CPED1: variants seen among roughly 807,000 people sequenced by gnomAD.
The protein encoded by CPED1 is cadherin-like and PC-esterase domain-containing protein 1.
A neutral mutation model predicts 128.2 loss-of-function variants in CPED1; 114 were observed. That is an observed-to-expected ratio of 0.89 (90% CI 0.76 to 1.04). CPED1 has a LOEUF of 1.04. Ranked by LOEUF, CPED1 falls within the 50% of genes least tolerant of loss-of-function variation. CPED1 has a pLI of 0.00. For synonymous variants in CPED1, 462 were observed against 426.7 expected (o/e 1.08, Z -1.02); for missense variants, 1,211 against 1,207.1 (o/e 1.00, Z -0.05).
intron 7 of CPED1, 127 bp downstream of exon 7, chr7:121,100,221 TG>T: frequency 1.2e-6 from 1 of 819,966 alleles, no homozygotes; most frequent in Non-Finnish European, 1.9e-6. Context: ...TCTTTTTTAT[TG>T]CCGCAAGAAA....
At chr7:121,241,541 C>T (rs968333478) in intron 17 of CPED1, among the ~76,000 whole-genome samples, 2 of 152,034 alleles carry the variant, frequency 1.3e-5, no homozygotes, top group African/African-American at 4.8e-5. Flanking sequence ...AAACATCTTT[C>T]ACATAGCAGA....
intron 16 of CPED1, among the ~76,000 whole-genome samples, chr7:121,179,324 A>G (rs1796851416): frequency 6.6e-6 from 1 of 152,108 alleles, no homozygotes; most frequent in South Asian, 2.1e-4. Context: ...GCACTGAATG[A>G]AATACAGAGT....
chr7:120,994,740 T>A (rs1796367018), intron 2 of CPED1, among the ~76,000 whole-genome samples: 1 of 151,910 alleles, frequency 6.6e-6, no homozygotes, highest in South Asian at 2.1e-4. Flanking sequence ...GTTGGAAATG[T>A]GCACATGATA....
chr7:121,022,657 G>T (rs1185301666), intron 3 of CPED1, among the ~76,000 whole-genome samples: 1 of 151,914 alleles, frequency 6.6e-6, no homozygotes, highest in African/African-American at 2.4e-5. Context: ...TTTACTGAAG[G>T]TTCAATAGCC....
chr7:121,170,445 A>AG (rs1359681632), intron 16 of CPED1, among the ~76,000 whole-genome samples: 1 of 152,104 alleles, frequency 6.6e-6, no homozygotes, highest in Non-Finnish European at 1.5e-5. Context: ...GATTCACTAC[A>AG]AATTTTACTT....
chr7:121,065,213 T>C (rs1793798308), intron 5 of CPED1, among the ~76,000 whole-genome samples: 1 of 152,170 alleles, frequency 6.6e-6, no homozygotes, highest in Non-Finnish European at 1.5e-5. Flanking sequence ...TGATATTTAC[T>C]GAGAATTAAA....
intron 10 of CPED1, among the ~76,000 whole-genome samples, chr7:121,127,478 TAAGTA>T (rs1238522918): frequency 6.6e-6 from 1 of 151,936 alleles, no homozygotes; most frequent in African/African-American, 2.4e-5. Flanking sequence ...GGTTGAAAAT[TAAGTA>T]TAGTGTTCAT....
At chr7:121,087,025 C>T (rs568522417) in intron 5 of CPED1, among the ~76,000 whole-genome samples, 1 of 152,290 alleles carries the variant, frequency 6.6e-6, no homozygotes, top group South Asian at 2.1e-4. Context: ...GTAGAAATGA[C>T]CCCTTAGAGA....
At chr7:121,252,158 C>T (rs569782681) in intron 18 of CPED1, among the ~76,000 whole-genome samples, 13,354 of 147,918 alleles carry the variant, frequency 0.09, 753 homozygotes, top group African/African-American at 0.16. Context: ...GAAATAACGC[C>T]GCATATCTAC....
intron 17 of CPED1, 128 bp from the exon 18 acceptor site, chr7:121,244,074 C>A: frequency 9.2e-7 from 1 of 1,087,788 alleles, no homozygotes; most frequent in Non-Finnish European, 1.4e-6. Context: ...CATTATTCCA[C>A]TAGATTTAAA....
At chr7:121,138,711 T>C (rs1699333922) in intron 14 of CPED1, among the ~76,000 whole-genome samples, 2 of 152,056 alleles carry the variant, frequency 1.3e-5, no homozygotes, top group South Asian at 4.1e-4. Flanking sequence ...GCACATCTTC[T>C]ATGTTTTATT....
At chr7:121,252,713 A>G (rs1798708372) in intron 18 of CPED1, among the ~76,000 whole-genome samples, 2 of 152,330 alleles carry the variant, frequency 1.3e-5, no homozygotes. Context: ...ACACGAAAAA[A>G]TGCTCATCAT....
intron 9 of CPED1, 63 bp downstream of exon 9, chr7:121,125,955 T>G (rs1795493727): frequency 1.8e-6 from 2 of 1,102,576 alleles, no homozygotes; most frequent in African/African-American, 1.6e-5. Context: ...TGTGTGTGTG[T>G]TGTTGTTGTT....
chr7:121,178,748 C>A (rs1796837837), intron 16 of CPED1, among the ~76,000 whole-genome samples: 1 of 152,072 alleles, frequency 6.6e-6, no homozygotes, highest in Non-Finnish European at 1.5e-5. Context: ...GCAAGAAGAG[C>A]TGACCTTGTA....
intron 16 of CPED1, among the ~76,000 whole-genome samples, chr7:121,189,610 G>A (rs1453755529): frequency 6.6e-6 from 1 of 151,370 alleles, no homozygotes; most frequent in Non-Finnish European, 1.5e-5. Context: ...GTAACAGAAG[G>A]TTTGTTAAAA....
intron 18 of CPED1, among the ~76,000 whole-genome samples, chr7:121,246,054 C>T (rs1798523567): frequency 6.6e-6 from 1 of 152,128 alleles, no homozygotes; most frequent in African/African-American, 2.4e-5. Context: ...ATAAATGTTG[C>T]ACTGGGAGCA....
intron 16 of CPED1, among the ~76,000 whole-genome samples, chr7:121,208,462 G>A (rs1287408793): frequency 6.6e-6 from 1 of 151,956 alleles, no homozygotes; most frequent in Admixed American, 6.6e-5. Context: ...TGTCATGCAT[G>A]GTTCTAGGTT....
chr7:121,004,995 A>G (rs1053165222), intron 2 of CPED1, among the ~76,000 whole-genome samples: 5 of 152,200 alleles, frequency 3.3e-5, no homozygotes, highest in Non-Finnish European at 7.4e-5. Flanking sequence ...AGTTTTTATC[A>G]GAGAATAATC....
intron 19 of CPED1, 53 bp downstream of exon 19, chr7:121,266,500 G>T: frequency 6.9e-7 from 1 of 1,444,548 alleles, no homozygotes. Context: ...CTGATGTTCT[G>T]CTAGCAGTCG....
Sources: allele counts gnomAD v4.1 joint callset (sites outside exome capture counted in the v4.1 genomes callset), GRCh38; gene constraint gnomAD v4.1.1; transcripts MANE v1.5; gene names NCBI Gene and HGNC (gene_info 2026-07-23, HGNC 2026-07-21).